The following VRK1 variants were observed in gnomAD, a reference collection of about 807,000 sequenced individuals.
The protein encoded by VRK1 is VRK serine/threonine kinase 1, also known as serine/threonine-protein kinase VRK1.
VRK1 carries 33 observed loss-of-function variants against 57.1 expected under a neutral mutation model. That is an observed-to-expected ratio of 0.58 (90% confidence interval 0.44 to 0.77). VRK1 has a LOEUF of 0.77. VRK1 is among the 30% of genes least tolerant of loss of function. The pLI is 0.00. For missense variants in VRK1, 413 were observed against 477.3 expected (o/e 0.87, Z 1.25); for synonymous variants, 137 against 147.8 (o/e 0.93, Z 0.53).
intron 1 of VRK1, among the ~76,000 whole-genome samples, chr14:96,814,293 A>G (rs1886312877): frequency 6.6e-6 from 1 of 152,018 alleles, no homozygotes; most frequent in Non-Finnish European, 1.5e-5. Context: ...TGAAGGTATG[A>G]TCCTGTCTGC....
rs1233359751 is a variant in VRK1, at chr14:96,852,016, GA to G, written c.375-811del. On this transcript the variant is annotated intron_variant, in intron 5 of 12. Coordinates refer to ENST00000216639, the MANE Select transcript of VRK1 (RefSeq NM_003384.3). Reference sequence around the variant, plus strand: ...ATTTCACCAGACAAGTTAGAATCTGGAAAACTATTGAAGATAAAAGTGGTCC... The same window carrying G: ...ATTTCACCAGACAAGTTAGAATCTGGAAACTATTGAAGATAAAAGTGGTCC... Among the ~76,000 whole-genome samples the G allele has an allele frequency of 2.0e-5, 3 of 152,184 alleles. No individual in the cohort carries two copies. In the East Asian group the frequency reaches 5.8e-4, roughly 29 times the overall value.
At chr14:96,818,948 T>G (rs1045136545) in intron 1 of VRK1, among the ~76,000 whole-genome samples, 2 of 152,220 alleles carry the variant, frequency 1.3e-5, no homozygotes, top group Non-Finnish European at 2.9e-5. Context: ...TTCAAATGAT[T>G]TCTTAGCACT....
At chr14:96,819,799 G>A (rs1011059630) in intron 1 of VRK1, among the ~76,000 whole-genome samples, 1 of 152,172 alleles carries the variant, frequency 6.6e-6, no homozygotes, top group South Asian at 2.1e-4. Context: ...GAGGTCAGGT[G>A]AATATGGCGG....
Position 96,856,319 on chromosome 14 carries a change from G to T in VRK1, c.830+69G>T. 6.4e-7 allele frequency: 1 copy of T among 1,567,024 alleles called. No individual in the cohort carries two copies. On this transcript the variant is annotated intron_variant, in intron 9 of 12. Coordinates refer to ENST00000216639, the MANE Select transcript of VRK1 (RefSeq NM_003384.3). ...CAAATGTTTTTAGTCACAATTTCTT[G>T]ATAGGAACTATAGTTTCAACTGATA...
At chr14:96,800,154 GT>G (rs1885601648) in intron 1 of VRK1, among the ~76,000 whole-genome samples, 1 of 152,078 alleles carries the variant, frequency 6.6e-6, no homozygotes. Context: ...TCTAGGATAA[GT>G]TTGGCTCTTT....
chr14:96,877,480 G>C (rs1472367394), intron 12 of VRK1: 1 of 1,288,884 alleles, frequency 7.8e-7, no homozygotes, highest in Admixed American at 2.3e-5. Flanking sequence ...CCTTTCCCCT[G>C]TCTTGTTCAT....
chr14:96,825,752 T>G (rs573127773), intron 1 of VRK1, among the ~76,000 whole-genome samples: 1 of 152,284 alleles, frequency 6.6e-6, no homozygotes, highest in East Asian at 1.9e-4. Flanking sequence ...GTTAATAGAA[T>G]GGTGGAGTCC....
chr14:96,865,089 T>C (rs1407425606), intron 11 of VRK1, among the ~76,000 whole-genome samples: 1 of 152,198 alleles, frequency 6.6e-6, no homozygotes, highest in Non-Finnish European at 1.5e-5. Context: ...TTCATGAAGC[T>C]CAGTTTATCA....
At chr14:96,841,013 G>A (rs1887439221) in intron 3 of VRK1, among the ~76,000 whole-genome samples, 1 of 151,812 alleles carries the variant, frequency 6.6e-6, no homozygotes, top group Admixed American at 6.6e-5. Flanking sequence ...GCACCACCAT[G>A]CCCGGCTAAT....
At chr14:96,880,972 G>A (rs541267983) in intron 12 of VRK1, among the ~76,000 whole-genome samples, 1 of 152,118 alleles carries the variant, frequency 6.6e-6, no homozygotes, top group East Asian at 1.9e-4. Context: ...CATATTTTTT[G>A]ACATATTAAA....
At chr14:96,853,278 G>A (rs1436216048) in intron 7 of VRK1, 112 bp downstream of exon 7, 13 of 867,258 alleles carry the variant, frequency 1.5e-5, no homozygotes, top group Non-Finnish European at 2.4e-5. Flanking sequence ...AGTAGATATG[G>A]TAATAATATT....
rs1347484516 is a variant in VRK1, at chr14:96,838,416, T to G, written c.216+599T>G. ...AACTAGAAGACATTTTACCGTTTTT[T>G]AAGTCAATTATGTGCCTTTTTGCTT... is the stretch of plus-strand genomic sequence containing the variant. On this transcript the variant is annotated intron_variant, in intron 3 of 12. Coordinates refer to ENST00000216639, the MANE Select transcript of VRK1 (RefSeq NM_003384.3). Among the ~76,000 whole-genome samples, 3 of 152,240 alleles carry G rather than the reference T, an allele frequency of 2.0e-5. No homozygotes were observed. In the South Asian group the frequency reaches 6.2e-4, roughly 31 times the overall value.
At chr14:96,872,962 T>TA (rs1949202678) in intron 11 of VRK1, among the ~76,000 whole-genome samples, 1 of 152,216 alleles carries the variant, frequency 6.6e-6, no homozygotes, top group South Asian at 2.1e-4. Context: ...AACTGTGTTC[T>TA]ATAGCACATA....
intron 1 of VRK1, among the ~76,000 whole-genome samples, chr14:96,820,947 T>G (rs1414483180): frequency 6.6e-6 from 1 of 152,202 alleles, no homozygotes; most frequent in African/African-American, 2.4e-5. Flanking sequence ...ACTTGCATCA[T>G]TGGAAGAGAC....
At chr14:96,880,404 C>T (rs1424625370) in intron 12 of VRK1, among the ~76,000 whole-genome samples, 4 of 152,144 alleles carry the variant, frequency 2.6e-5, no homozygotes, top group African/African-American at 4.8e-5. Context: ...GCGTAGCATG[C>T]GGCAGTGGGA....
At chr14:96,849,199 C>A (rs4270096) in intron 5 of VRK1, among the ~76,000 whole-genome samples, 1 of 151,870 alleles carries the variant, frequency 6.6e-6, no homozygotes, top group Non-Finnish European at 1.5e-5. Flanking sequence ...TGGGAAATGG[C>A]TTACATGGTG....
At chr14:96,865,388 C>T (rs1357435801) in intron 11 of VRK1, among the ~76,000 whole-genome samples, 1 of 152,094 alleles carries the variant, frequency 6.6e-6, no homozygotes, top group African/African-American at 2.4e-5. Context: ...ACCATTGGCC[C>T]GCTTGTCCAT....
rs372878671 is a variant in VRK1, at chr14:96,868,995, G to T, written c.1069-7035G>T. On this transcript the variant is annotated intron_variant, in intron 11 of 12. Transcript: ENST00000216639. ...TTTTTAGTAGAGACGGGGTTTCTCC[G>T]TGTTGGTCAGGCTGGTCAAACTCCT... Among the ~76,000 whole-genome samples, 5 of 152,032 alleles carry T rather than the reference G, an allele frequency of 3.3e-5. No homozygotes were observed. In the East Asian group the frequency reaches 9.7e-4, roughly 29 times the overall value.
At chr14:96,823,746 C>T (rs1483645566) in intron 1 of VRK1, among the ~76,000 whole-genome samples, 1 of 152,174 alleles carries the variant, frequency 6.6e-6, no homozygotes, top group African/African-American at 2.4e-5. Context: ...ATTCGAAACT[C>T]TATATACCAC....
Sources: allele counts gnomAD v4.1 joint callset (sites outside exome capture counted in the v4.1 genomes callset), GRCh38; gene constraint gnomAD v4.1.1; transcripts MANE v1.5; gene names NCBI Gene and HGNC (gene_info 2026-07-23, HGNC 2026-07-21).